Variants in GDPD5 observed in about 807,000 individuals in gnomAD.
GDPD5 encodes the protein glycerophosphodiester phosphodiesterase 2.
A neutral mutation model predicts 75.1 loss-of-function variants in GDPD5; 48 were observed. The ratio of observed to expected loss-of-function variants is 0.64; its 90% CI spans 0.51 to 0.81. The LOEUF (loss-of-function observed/expected upper bound fraction) is 0.81. Among genes scored for constraint, GDPD5 ranks in the 40% least tolerant of loss-of-function variants. The pLI is 0.00. For missense variants in GDPD5, 706 were observed against 822.6 expected, an observed-to-expected ratio of 0.86 and a Z score of 1.73; for synonymous variants, 336 against 339.0, an observed-to-expected ratio of 0.99 and a Z score of 0.10.
At chr11:75,469,023 G>A (rs529981529) in intron 3 of GDPD5, among the ~76,000 whole-genome samples, 5 of 152,284 alleles carry the variant, frequency 3.3e-5, no homozygotes, top group Admixed American at 6.5e-5. Flanking sequence ...TTATCATTTC[G>A]CGTCTGACAG....
chr11:75,519,096 C>T (rs546946373), intron 1 of GDPD5, among the ~76,000 whole-genome samples: 1 of 152,206 alleles, frequency 6.6e-6, no homozygotes, highest in Non-Finnish European at 1.5e-5. Context: ...TTTCCGCCTT[C>T]CTCATGCCCT....
chr11:75,466,888 T>C (rs1949528983), intron 3 of GDPD5, among the ~76,000 whole-genome samples: 2 of 152,030 alleles, frequency 1.3e-5, no homozygotes. Context: ...AACCCAGGCA[T>C]ACTGACTGGA....
Position 75,436,970 on chromosome 11 carries a change from G to A in GDPD5, c.1635C>T (p.Asp545=), listed in dbSNP as rs140583703. 1.3e-4 allele frequency: 211 copies of A among 1,613,424 alleles called. No individual in the cohort carries two copies. The highest frequency in any genetic ancestry group is 2.2e-4 in the Admixed American group (13 of 60,004). Residue 545 remains aspartate (D), a synonymous_variant, in exon 16 of 17, where the codon GAC becomes GAT. Coordinates refer to ENST00000336898, the MANE Select transcript of GDPD5 (RefSeq NM_030792.8). ...LSAAVRRTSR[D]VSIMKEKLIF... The stretch of plus-strand genomic sequence containing the variant: ...TAAGCTTCTCCTTCATGATGCTGAC[G>A]TCCCGGCTGGTCCGGCGCACCGCAG...
intron 2 of GDPD5, among the ~76,000 whole-genome samples, chr11:75,487,055 G>A (rs988509874): frequency 4.6e-5 from 7 of 152,178 alleles, no homozygotes; most frequent in Admixed American, 2.0e-4. Context: ...GCTGCAGGTG[G>A]GGGAGACAGG....
intron 1 of GDPD5, among the ~76,000 whole-genome samples, chr11:75,519,647 T>A (rs1448979583): frequency 3.3e-5 from 5 of 152,178 alleles, no homozygotes; most frequent in Admixed American, 3.3e-4. Context: ...ATTATCCCCA[T>A]TTTACATATG....
intron 6 of GDPD5, chr11:75,451,303 G>C (rs1456848961): frequency 6.6e-6 from 1 of 152,348 alleles, no homozygotes; most frequent in Non-Finnish European, 1.5e-5. Flanking sequence ...GTGACATGGG[G>C]GCTCGGGGCG....
chr11:75,461,987 G>A (rs896745918), intron 4 of GDPD5, among the ~76,000 whole-genome samples: 12 of 152,206 alleles, frequency 7.9e-5, no homozygotes, highest in African/African-American at 2.2e-4. Flanking sequence ...CTGTACCCAG[G>A]TAAGTGGCTC....
chr11:75,519,561 T>C (rs1224194532), intron 1 of GDPD5, among the ~76,000 whole-genome samples: 2 of 152,248 alleles, frequency 1.3e-5, no homozygotes, highest in Admixed American at 1.3e-4. Flanking sequence ...GTGCTCATTA[T>C]GTGCTGGGCA....
At chr11:75,506,207 C>T (rs1001595851) in intron 1 of GDPD5, among the ~76,000 whole-genome samples, 1 of 152,148 alleles carries the variant, frequency 6.6e-6, no homozygotes. Context: ...ACGTTTTCAT[C>T]GATCTGTTTG....
intron 1 of GDPD5, among the ~76,000 whole-genome samples, chr11:75,510,879 G>T (rs1482511544): frequency 6.6e-6 from 1 of 152,212 alleles, no homozygotes; most frequent in Non-Finnish European, 1.5e-5. Flanking sequence ...CTGGGACTAA[G>T]AAGGTACAGC....
intron 13 of GDPD5, 71 bp downstream of exon 13, chr11:75,441,575 G>T: frequency 7.4e-7 from 1 of 1,352,328 alleles, no homozygotes. Context: ...TGTGTTGGGG[G>T]GTGGTGGTGG....
chr11:75,441,487 CTT>C lies in GDPD5; in HGVS notation c.1325+157_1325+158del, dbSNP rs1378810206. Among the ~76,000 whole-genome samples, 23 of 152,344 alleles carry C rather than the reference CTT, an allele frequency of 1.5e-4. 1 individual carries two copies. The highest frequency in any genetic ancestry group is 5.3e-4 in the African/African-American group (22 of 41,576). ...CGGGTCTGCCCGACACGCTCACCCTCTTGTCTTTGAACCATGTGTGCCTGATT... is the reference window on the plus strand; with the variant it reads ...CGGGTCTGCCCGACACGCTCACCCTCGTCTTTGAACCATGTGTGCCTGATT... On this transcript the variant is annotated intron_variant, in intron 13 of 16. Coordinates refer to ENST00000336898, the MANE Select transcript of GDPD5 (RefSeq NM_030792.8).
Position 75,456,826 on chromosome 11 carries a change from G to C in GDPD5, c.316-10C>G. ...GACATAGTGCCAGGACCTGAGGAGG[G>C]ACCCACAGGGTGATTGTCAGGCCCG... On this transcript the variant is annotated splice_polypyrimidine_tract_variant and intron_variant, in intron 5 of 16. Transcript: ENST00000336898. 6.2e-7 allele frequency: 1 copy of C among 1,613,904 alleles called. No individual in the cohort carries two copies. Among genetic ancestry groups the C allele is most frequent in the Non-Finnish European group, 8.5e-7 (1 of 1,179,712 alleles).
intron 3 of GDPD5, among the ~76,000 whole-genome samples, chr11:75,471,169 C>T (rs568137230): frequency 7.2e-5 from 11 of 152,276 alleles, no homozygotes; most frequent in Non-Finnish European, 1.2e-4. Flanking sequence ...GACTGATGCA[C>T]GGGAAAGCCT....
intron 1 of GDPD5, among the ~76,000 whole-genome samples, chr11:75,491,493 T>G (rs934804198): frequency 2.0e-5 from 3 of 152,206 alleles, no homozygotes; most frequent in Non-Finnish European, 4.4e-5. Flanking sequence ...TCTGACTCAG[T>G]TAAGTCTAGG....
At chr11:75,462,998 G>A (rs1949446663) in intron 3 of GDPD5, 109 bp from the exon 4 acceptor site, 2 of 843,530 alleles carry the variant, frequency 2.4e-6, no homozygotes, top group Admixed American at 4.4e-5. Context: ...AAACCTGCCA[G>A]GCAGGAATTC....
chr11:75,524,930 T>C (rs1481436788), intron 1 of GDPD5, among the ~76,000 whole-genome samples: 2 of 152,230 alleles, frequency 1.3e-5, no homozygotes, highest in Non-Finnish European at 2.9e-5. Context: ...CTCAGCCCCG[T>C]TAAGCCTCAG....
chr11:75,516,420 C>T (rs559467732), intron 1 of GDPD5, among the ~76,000 whole-genome samples: 5 of 152,248 alleles, frequency 3.3e-5, no homozygotes, highest in Non-Finnish European at 5.9e-5. Flanking sequence ...TGTGCCCAGG[C>T]AAGGAGACCA....
At chr11:75,460,081 G>A (rs1022226254) in intron 4 of GDPD5, among the ~76,000 whole-genome samples, 21 of 151,846 alleles carry the variant, frequency 1.4e-4, no homozygotes, top group East Asian at 5.8e-4. Context: ...TTACCATACC[G>A]TTGGGAAACT....
Sources: gnomAD v4.1 joint callset for allele counts (sites outside exome capture counted in the v4.1 genomes callset) on GRCh38, gnomAD v4.1.1 for gene constraint, MANE v1.5 for transcripts, NCBI Gene and HGNC (gene_info 2026-07-23, HGNC 2026-07-21) for gene names.